The following MFF variants were observed in gnomAD, a reference collection of about 807,000 sequenced individuals.
MFF encodes chromosome 2 open reading frame 33.
Under a neutral mutation model 36.9 loss-of-function variants are expected in MFF, and 12 were observed. That is an observed-to-expected ratio of 0.33 (90% CI 0.21 to 0.53). The LOEUF (loss-of-function observed/expected upper bound fraction) is 0.53, where lower values mean the gene tolerates loss of function less well. MFF is among the 20% of genes least tolerant of loss of function. MFF has a pLI of 0.95. For missense variants in MFF, 348 were observed against 366.6 expected (o/e 0.95, Z 0.42); for synonymous variants, 99 against 126.2 (o/e 0.78, Z 1.44).
rs1368307123 is a variant in MFF, at chr2:227,328,683, A to G, written c.-147A>G. The G allele has an allele frequency of 6.5e-6, 1 of 154,696 alleles. No individual in the cohort carries two copies. The allele number at this position is 154,696 out of a possible 1,614,324, so 9.6% of individuals were successfully genotyped here. A position where few individuals can be genotyped will look rare whatever the true frequency, so the allele number is the denominator to read the frequency against. On this transcript the variant is annotated 5_prime_UTR_variant, in exon 2 of 9. Transcript: ENST00000304593. ...CCCCTGTTTTTCTTCCCCAGGGACA[A>G]AAGTGGCTCTCAATCCAGCACATGC...
At chr2:227,327,660 A>G (rs2074258410) in intron 1 of MFF, among the ~76,000 whole-genome samples, 2 of 152,226 alleles carry the variant, frequency 1.3e-5, no homozygotes, top group Admixed American at 1.3e-4. Flanking sequence ...ATAGAATGGA[A>G]TATAGTAGTG....
intron 7 of MFF, among the ~76,000 whole-genome samples, chr2:227,354,271 G>GAC (rs1324723225): frequency 1.3e-5 from 2 of 152,114 alleles, no homozygotes; most frequent in Non-Finnish European, 2.9e-5. Flanking sequence ...TTTCTGAGTA[G>GAC]ACTTGTCTTT....
chr2:227,355,215 T>G (rs1255335368), intron 7 of MFF: 1 of 152,432 alleles, frequency 6.6e-6, no homozygotes, highest in Non-Finnish European at 1.5e-5. Context: ...CAAGAGGCAG[T>G]GAGAAGAGGT....
chr2:227,353,697 T>C (rs932374321), intron 7 of MFF, among the ~76,000 whole-genome samples: 2 of 152,222 alleles, frequency 1.3e-5, no homozygotes, highest in African/African-American at 4.8e-5. Flanking sequence ...GTAACATATT[T>C]TTGTTTTAAA....
intron 7 of MFF, among the ~76,000 whole-genome samples, chr2:227,354,932 G>A (rs2076185489): frequency 6.6e-6 from 1 of 152,136 alleles, no homozygotes; most frequent in South Asian, 2.1e-4. Flanking sequence ...AGGCTGAGGT[G>A]GGTGGATCAC....
chr2:227,346,043 T>C (rs1224566301), intron 5 of MFF, among the ~76,000 whole-genome samples: 13 of 152,202 alleles, frequency 8.5e-5, no homozygotes, highest in Non-Finnish European at 1.6e-4. Flanking sequence ...TGGAGGAGAT[T>C]TTGTTTTTTA....
chr2:227,346,290 G>T (rs955099383), intron 5 of MFF: 1 of 167,006 alleles, frequency 6.0e-6, no homozygotes, highest in African/African-American at 2.4e-5. Flanking sequence ...TGAGAATGTT[G>T]AGCCCTCATT....
In MFF at chr2:227,340,354, T is replaced by C; in HGVS notation, c.414T>C (p.Asn138=). The C allele has an allele frequency of 6.2e-7, 1 of 1,613,944 alleles. No individual in the cohort carries two copies. The highest frequency in any genetic ancestry group is 8.5e-7 in the Non-Finnish European group (1 of 1,179,856). The change falls in exon 5 of 9, where the codon AAT becomes AAC. Residue 138 remains asparagine, a synonymous_variant. Coordinates refer to ENST00000304593, the MANE Select transcript of MFF (RefSeq NM_001277062.2). The stretch of plus-strand genomic sequence containing the variant: ...TGAGTGAAAATGCTGTTCGCCAAAA[T>C]GGACAGCTGGTCAGAAATGATTCTC... ...RSMSENAVRQ[N]GQLVRNDSLV...
intron 1 of MFF, among the ~76,000 whole-genome samples, chr2:227,328,241 T>C (rs2074308081): frequency 7.4e-6 from 1 of 136,028 alleles, no homozygotes; most frequent in East Asian, 2.1e-4. Context: ...TGTGGTGGCA[T>C]ATGCCTGTAG....
At chr2:227,352,606 A>G in intron 7 of MFF, 33 bp downstream of exon 7, 1 of 1,581,518 alleles carries the variant, frequency 6.3e-7, no homozygotes, top group Non-Finnish European at 8.7e-7. Flanking sequence ...TACCAGGGTA[A>G]ATGCTTGGCG....
At chr2:227,327,286 C>T (rs371528755) in intron 1 of MFF, among the ~76,000 whole-genome samples, 1 of 152,110 alleles carries the variant, frequency 6.6e-6, no homozygotes, top group African/African-American at 2.4e-5. Flanking sequence ...GATTTTGCCT[C>T]GTTTGTTATG....
rs1021221401 is a variant in MFF at position 227,357,460 on chromosome 2, A to G, written c.*343A>G. ...CTGAATGGGAGAGAGTCTGTAGAGAATTGATTCAGAAAAGTGTCTGTGAAA... is the reference window on the plus strand; with the variant it reads ...CTGAATGGGAGAGAGTCTGTAGAGAGTTGATTCAGAAAAGTGTCTGTGAAA... On this transcript the variant is annotated 3_prime_UTR_variant, in exon 9 of 9. Transcript: ENST00000304593. 1 of 174,256 alleles carries G rather than the reference A, an allele frequency of 5.7e-6. No homozygotes were observed. Among genetic ancestry groups the G allele is most frequent in the African/African-American group, 2.3e-5 (1 of 42,948 alleles). The allele number at this position is 174,256 out of a possible 1,614,324, so 10.8% of individuals were successfully genotyped here. A position where few individuals can be genotyped will look rare whatever the true frequency, so the allele number is the denominator to read the frequency against.
chr2:227,330,916 G>T, intron 3 of MFF, 70 bp downstream of exon 3: 1 of 1,306,802 alleles, frequency 7.7e-7, no homozygotes. Context: ...AAACTTTTGA[G>T]TTTTTCTAAA....
chr2:227,344,173 A>G (rs2075577007), intron 5 of MFF, among the ~76,000 whole-genome samples: 1 of 152,222 alleles, frequency 6.6e-6, no homozygotes, highest in Non-Finnish European at 1.5e-5. Flanking sequence ...GGTAAACATC[A>G]GTGCTTTCTT....
At chr2:227,338,840 A>C (rs1559963169) in intron 4 of MFF, among the ~76,000 whole-genome samples, 1 of 130,966 alleles carries the variant, frequency 7.6e-6, no homozygotes, top group African/African-American at 2.5e-5. Flanking sequence ...GTCTCAAAAA[A>C]AAACAAAAAA....
chr2:227,343,978 G>A (rs912770252), intron 5 of MFF, among the ~76,000 whole-genome samples: 6 of 152,154 alleles, frequency 3.9e-5, no homozygotes, highest in Admixed American at 3.3e-4. Flanking sequence ...AGTAGAGACA[G>A]GGTTTCATCA....
In MFF at chr2:227,332,526, A is replaced by T. The variant is rs1450555364; in HGVS notation, c.289A>T (p.Ser97Cys). ...AACACCACCTCGTGTACTTACGCTG[A>T]GTGAAAGACCACTAGATTTTCTGGA... The part of the protein sequence containing the change: ...LKTPPRVLTL[S>C]ERPLDFLDLE... Residue 97 changes from serine to cysteine, a missense_variant, in exon 4 of 9, where the codon AGT (serine) becomes TGT (cysteine). By Grantham distance (112) the Ser-to-Cys change is moderately radical (BLOSUM62 -1). Transcript: ENST00000304593. 5.0e-6 allele frequency: 8 copies of T among 1,613,588 alleles called. No individual in the cohort carries two copies. Among genetic ancestry groups the T allele is most frequent in the Non-Finnish European group, 6.8e-6 (8 of 1,179,692 alleles).
intron 6 of MFF, among the ~76,000 whole-genome samples, chr2:227,348,260 T>G (rs2075814704): frequency 6.6e-6 from 1 of 152,222 alleles, no homozygotes; most frequent in African/African-American, 2.4e-5. Flanking sequence ...GGAACGAATA[T>G]GACTTCTGAC....
rs1051706440 is a variant in MFF at position 227,357,324 on chromosome 2, T to C, written c.*207T>C. On this transcript the variant is annotated 3_prime_UTR_variant, in exon 9 of 9. Coordinates refer to ENST00000304593, the MANE Select transcript of MFF (RefSeq NM_001277062.2). The stretch of plus-strand genomic sequence containing the variant: ...TCAGCTGTATTCACGTCTGAGCAGT[T>C]CTGCAGTAACACCTGCTTAAAATTC... 2.3e-6 allele frequency: 1 copy of C among 444,070 alleles called. No individual in the cohort carries two copies. The highest frequency in any genetic ancestry group is 3.9e-6 in the Non-Finnish European group (1 of 255,328). 27.5% of individuals were successfully genotyped at this position (444,070 alleles called of 1,614,324 possible). A position where few individuals can be genotyped will look rare whatever the true frequency, so the allele number is the denominator to read the frequency against.
Sources: gnomAD v4.1 joint callset for allele counts (sites outside exome capture counted in the v4.1 genomes callset) on GRCh38, gnomAD v4.1.1 for gene constraint, MANE v1.5 for transcripts, NCBI Gene and HGNC (gene_info 2026-07-23, HGNC 2026-07-21) for gene names.